BUD13: variants seen among roughly 807,000 people sequenced by gnomAD.
The protein encoded by BUD13 is BUD13 homolog.
Under a neutral mutation model 62.5 loss-of-function variants are expected in BUD13, and 47 were observed. The observed-to-expected ratio is 0.75, with a 90% CI of 0.60 to 0.96. The LOEUF is 0.96. BUD13 is among the 40% of genes least tolerant of loss of function. BUD13 has a pLI of 0.00. For synonymous variants in BUD13, 293 were observed against 280.1 expected (o/e 1.05, Z -0.46); for missense variants, 821 against 790.9 (o/e 1.04, Z -0.46).
Position 116,757,815 on chromosome 11 carries a change from C to G in BUD13, c.1635G>C (p.Met545Ile). ...CCTTATTCTTCTTGATGAAGTTGGCCATAGGGTCCCCCTCTCTTTCCTGTT... is the reference window on the plus strand; with the variant it reads ...CCTTATTCTTCTTGATGAAGTTGGCGATAGGGTCCCCCTCTCTTTCCTGTT... ...LREQEREGDP[M>I]ANFIKKNKAK... Residue 545 changes from methionine to isoleucine, a missense_variant, in exon 8 of 10, where the codon ATG (methionine) becomes ATC (isoleucine). This residue lies in a region of BUD13 where 800 missense variants were observed against 739.2 expected (regional missense o/e 1.08). Transcript: ENST00000260210. The G allele has an allele frequency of 6.2e-7, 1 of 1,614,022 alleles. No individual in the cohort carries two copies. Among genetic ancestry groups the G allele is most frequent in the Non-Finnish European group, 8.5e-7 (1 of 1,179,990 alleles).
intron 3 of BUD13, among the ~76,000 whole-genome samples, chr11:116,764,919 A>G (rs1420592167): frequency 6.6e-6 from 1 of 152,214 alleles, no homozygotes; most frequent in African/African-American, 2.4e-5. Context: ...GAAAGAAGAG[A>G]GAAATTTACT....
intron 2 of BUD13, among the ~76,000 whole-genome samples, chr11:116,767,578 G>A (rs1367077042): frequency 8.1e-6 from 1 of 122,788 alleles, no homozygotes; most frequent in Non-Finnish European, 1.6e-5. Flanking sequence ...GGGCAACAGA[G>A]TGAGACTCCA....
At chr11:116,757,715 T>C in intron 8 of BUD13, 51 bp downstream of exon 8, 1 of 1,540,420 alleles carries the variant, frequency 6.5e-7, no homozygotes, top group Non-Finnish European at 8.8e-7. Context: ...AGCATCCTAA[T>C]GATTCTCTCT....
intron 9 of BUD13, among the ~76,000 whole-genome samples, chr11:116,754,865 CA>C (rs1183856402): frequency 6.6e-6 from 1 of 152,144 alleles, no homozygotes; most frequent in African/African-American, 2.4e-5. Flanking sequence ...AGCTATTGTA[CA>C]AAGTGAGCTT....
rs754196161 is a variant in BUD13, at chr11:116,762,982, G to C, written c.607C>G (p.Pro203Ala). The C allele has an allele frequency of 1.3e-5, 21 of 1,613,662 alleles. No homozygotes were observed. Among genetic ancestry groups the C allele is most frequent in the African/African-American group, 2.7e-5 (2 of 74,814 alleles). The stretch of plus-strand genomic sequence containing the variant: ...GAAGAATTATGCTGAGGCCTCCTTG[G>C]GGGAGAAGGATCTGGAGAATCATGA... ...ARHDSPDPSP[P>A]RRPQHNSSGA... Residue 203 changes from proline to alanine, a missense_variant, in exon 4 of 10, where the codon CCA (proline) becomes GCA (alanine). Transcript: ENST00000260210.
Position 116,760,968 on chromosome 11 carries a change from G to T in BUD13, c.1037-16C>A. 1.2e-6 allele frequency: 2 copies of T among 1,606,676 alleles called. No homozygotes were observed. Among genetic ancestry groups the T allele is most frequent in the Non-Finnish European group, 1.7e-6 (2 of 1,173,498 alleles). On this transcript the variant is annotated splice_polypyrimidine_tract_variant and intron_variant, in intron 4 of 9. Transcript: ENST00000260210. ...TGGCAGTCACCTGGATAGGAGCAAA[G>T]AATCTGTGTGACTCTGATGTCCTCT...
rs542972804 is a variant in BUD13, at chr11:116,752,692, G to A, written c.1767-4117C>T. Among the ~76,000 whole-genome samples, 181 of 152,296 alleles carry A rather than the reference G, an allele frequency of 1.2e-3. No homozygotes were observed. In the Middle Eastern group the frequency reaches 0.017, roughly 14 times the overall value. ...AGCCTACATACAGTGAACTGCAAAC[G>A]GAACTAGTAAGCTAGCCTGTAACCA... is the stretch of plus-strand genomic sequence containing the variant. On this transcript the variant is annotated intron_variant, in intron 9 of 9. Transcript: ENST00000260210.
intron 4 of BUD13, among the ~76,000 whole-genome samples, chr11:116,761,641 T>C (rs1348311712): frequency 1.3e-5 from 2 of 152,158 alleles, no homozygotes; most frequent in South Asian, 2.1e-4. Flanking sequence ...CTCTCCATAG[T>C]GTGGCAAAAG....
At chr11:116,772,774 AG>A in intron 1 of BUD13, 47 bp downstream of exon 1, 2 of 1,466,726 alleles carry the variant, frequency 1.4e-6, no homozygotes, top group South Asian at 1.3e-5. Flanking sequence ...GGAGTTGGGA[AG>A]GGGTGGCTAG....
chr11:116,749,204 C>G (rs569020924), intron 9 of BUD13, among the ~76,000 whole-genome samples: 25 of 152,226 alleles, frequency 1.6e-4, no homozygotes, highest in African/African-American at 5.5e-4. Context: ...ATTCATTACA[C>G]AAACATTTAT....
chr11:116,769,450 CTTAG>C (rs765743750), intron 2 of BUD13, among the ~76,000 whole-genome samples: 9 of 152,180 alleles, frequency 5.9e-5, no homozygotes, highest in Non-Finnish European at 1.2e-4. Context: ...AATTTGAAAG[CTTAG>C]TTAAAGCACT....
chr11:116,753,210 T>TA (rs1345435361), intron 9 of BUD13, among the ~76,000 whole-genome samples: 1 of 152,198 alleles, frequency 6.6e-6, no homozygotes, highest in Non-Finnish European at 1.5e-5. Flanking sequence ...GCCACAGGCT[T>TA]ACTGGCTTGA....
intron 9 of BUD13, among the ~76,000 whole-genome samples, chr11:116,751,953 C>CT (rs550257817): frequency 0.014 from 2,149 of 151,850 alleles, 46 homozygotes; most frequent in African/African-American, 0.048. Flanking sequence ...CTCAGTTTCT[C>CT]TTTTTTTTGA....
intron 9 of BUD13, among the ~76,000 whole-genome samples, chr11:116,754,737 G>C (rs1669269856): frequency 6.6e-6 from 1 of 152,170 alleles, no homozygotes; most frequent in South Asian, 2.1e-4. Context: ...TGAAGTGCTA[G>C]CTAATGCAAC....
chr11:116,757,658 G>A, intron 8 of BUD13, 108 bp downstream of exon 8: 1 of 1,320,580 alleles, frequency 7.6e-7, no homozygotes, highest in Admixed American at 2.3e-5. Context: ...CAAATACAAT[G>A]AATTTAAATT....
intron 2 of BUD13, among the ~76,000 whole-genome samples, chr11:116,766,931 T>A (rs1940540090): frequency 6.6e-6 from 1 of 152,166 alleles, no homozygotes; most frequent in African/African-American, 2.4e-5. Context: ...CTCATTCCTG[T>A]AATCCTAGCA....
At chr11:116,755,854 A>G (rs180323) in intron 9 of BUD13, among the ~76,000 whole-genome samples, 48,440 of 151,998 alleles carry the variant, frequency 0.32, 8,434 homozygotes, top group African/African-American at 0.44. Context: ...AATTTATAAT[A>G]TGGTAAATAT....
At chr11:116,765,579 GAAGT>G (rs879048698) in intron 2 of BUD13, 133 bp from the exon 3 acceptor site, 1 of 821,032 alleles carries the variant, frequency 1.2e-6, no homozygotes, top group South Asian at 1.6e-5. Context: ...TGGTCATGAA[GAAGT>G]AAGTAGGGGT....
intron 8 of BUD13, 112 bp downstream of exon 8, chr11:116,757,654 C>T (rs1940353177): frequency 2.3e-6 from 3 of 1,301,360 alleles, no homozygotes; most frequent in African/African-American, 1.5e-5. Context: ...CTCACAAATA[C>T]AATGAATTTA....
Sources: allele counts gnomAD v4.1 joint callset (sites outside exome capture counted in the v4.1 genomes callset), GRCh38; gene constraint gnomAD v4.1.1; regional missense constraint gnomAD v4.1.1; transcripts MANE v1.5; gene names NCBI Gene and HGNC (gene_info 2026-07-23, HGNC 2026-07-21).